GALNS: variants seen among roughly 807,000 people sequenced by gnomAD.
GALNS encodes N-acetylgalactosamine-6-sulfatase.
GALNS carries 65 observed loss-of-function variants against 65.9 expected under a neutral mutation model. The ratio of observed to expected loss-of-function variants is 0.99; its 90% confidence interval spans 0.81 to 1.21. GALNS has a LOEUF of 1.21. Ranked by LOEUF, GALNS falls within the 50% of genes most tolerant of loss-of-function variation. The probability of loss-of-function intolerance (pLI) is 0.00; values close to 1 mark genes in which losing one functional copy is unlikely to be tolerated. For missense variants in GALNS, 776 were observed against 700.7 expected, an observed-to-expected ratio of 1.11 and a Z score of -1.21; for synonymous variants, 346 against 288.9, an observed-to-expected ratio of 1.20 and a Z score of -2.00.
chr16:88,816,752 C>T (rs1274061680), intron 13 of GALNS: 5 of 985,364 alleles, frequency 5.1e-6, no homozygotes, highest in Non-Finnish European at 6.0e-6. Flanking sequence ...CACCCAGCGG[C>T]TCCCACGCTG....
intron 8 of GALNS, among the ~76,000 whole-genome samples, chr16:88,833,268 C>T (rs1345015799): frequency 1.3e-5 from 2 of 152,098 alleles, no homozygotes; most frequent in African/African-American, 4.8e-5. Flanking sequence ...CACGCCAACA[C>T]CCGCAACCCG....
At chr16:88,852,910 G>A (rs886258055) in intron 1 of GALNS, among the ~76,000 whole-genome samples, 7 of 151,782 alleles carry the variant, frequency 4.6e-5, no homozygotes, top group African/African-American at 9.7e-5. Flanking sequence ...AGCTGTGATC[G>A]AGCTACTGCA....
chr16:88,852,825 G>A (rs1389455492), intron 1 of GALNS, among the ~76,000 whole-genome samples: 1 of 152,174 alleles, frequency 6.6e-6, no homozygotes, highest in Non-Finnish European at 1.5e-5. Context: ...TGTGGTGATG[G>A]GCGGCTATAA....
intron 13 of GALNS, among the ~76,000 whole-genome samples, chr16:88,814,850 T>G (rs1032239500): frequency 6.6e-6 from 1 of 152,154 alleles, no homozygotes; most frequent in African/African-American, 2.4e-5. Flanking sequence ...CCACCTGCCT[T>G]GGCCTCCCAA....
rs1206029740 is a variant in GALNS, at chr16:88,856,245, AG to A, written c.120+512del. Reference sequence around the variant, plus strand: ...TCTCCAGAGGACAGAGACAGCCGTCAGGTAAGACTGGAGCCCAGCGGGGGGA... The same window carrying A: ...TCTCCAGAGGACAGAGACAGCCGTCAGTAAGACTGGAGCCCAGCGGGGGGA... On this transcript the variant is annotated intron_variant, in intron 1 of 13. Transcript: ENST00000268695. 184 of 703,048 alleles carry A rather than the reference AG, an allele frequency of 2.6e-4. 1 individual carries two copies. The East Asian group carries it at 4.8e-3, about 18-fold the overall frequency. The allele number at this position is 703,048 out of a possible 1,614,324, so 43.6% of individuals were successfully genotyped here.
chr16:88,847,661 G>T (rs1230870034), intron 1 of GALNS, among the ~76,000 whole-genome samples: 1 of 152,180 alleles, frequency 6.6e-6, no homozygotes, highest in African/African-American at 2.4e-5. Context: ...ACCACGACAG[G>T]GACTAGAGTC....
intron 10 of GALNS, among the ~76,000 whole-genome samples, chr16:88,825,945 C>A (rs1910848681): frequency 6.6e-6 from 1 of 152,190 alleles, no homozygotes; most frequent in Non-Finnish European, 1.5e-5. Context: ...CCCTTCAGGA[C>A]CACCCAGGAA....
At chr16:88,819,939 G>C (rs1910032593) in intron 12 of GALNS, among the ~76,000 whole-genome samples, 1 of 151,938 alleles carries the variant, frequency 6.6e-6, no homozygotes, top group Admixed American at 6.6e-5. Context: ...TGATCTGCCT[G>C]CCTCGGCCTC....
At chr16:88,825,566 GATTCC>G (rs1910796559) in intron 10 of GALNS, among the ~76,000 whole-genome samples, 3 of 83,692 alleles carry the variant, frequency 3.6e-5, no homozygotes, top group Admixed American at 2.6e-4. Flanking sequence ...CCGGGACTGG[GATTCC>G]TGGGCAGCTG....
At chr16:88,827,141 C>T (rs1252548446) in intron 9 of GALNS, 8 of 522,690 alleles carry the variant, frequency 1.5e-5, no homozygotes, top group African/African-American at 7.7e-5. Flanking sequence ...CCTCCAGGCC[C>T]ACCTGTCCGG....
At chr16:88,826,873 C>T (rs1296370761) in intron 9 of GALNS, 35 bp from the exon 10 acceptor site, 1 of 1,554,808 alleles carries the variant, frequency 6.4e-7, no homozygotes, top group Admixed American at 1.9e-5. Flanking sequence ...TCAGGGCACT[C>T]TGCACCGACC....
intron 5 of GALNS, 80 bp from the exon 6 acceptor site, chr16:88,836,347 C>T: frequency 8.7e-7 from 1 of 1,144,464 alleles, no homozygotes; most frequent in South Asian, 1.3e-5. Context: ...CCAGCAAAGC[C>T]ATGGGCTTCA....
chr16:88,824,248 G>A (rs984164188), intron 11 of GALNS, among the ~76,000 whole-genome samples: 2 of 152,170 alleles, frequency 1.3e-5, no homozygotes, highest in African/African-American at 4.8e-5. Flanking sequence ...GGGAGCAGGA[G>A]GCTTGAGGCG....
intron 1 of GALNS, among the ~76,000 whole-genome samples, chr16:88,846,003 A>C (rs1354564254): frequency 6.6e-6 from 1 of 152,190 alleles, no homozygotes; most frequent in Admixed American, 6.5e-5. Flanking sequence ...AAACAAACAA[A>C]AAAAGATCAT....
chr16:88,850,959 C>T (rs1001471441), intron 1 of GALNS, among the ~76,000 whole-genome samples: 13 of 152,300 alleles, frequency 8.5e-5, no homozygotes, highest in South Asian at 2.1e-4. Context: ...AGACGCCAGC[C>T]GAGGGCAAAA....
At chr16:88,834,505 G>A (rs372631928) in intron 8 of GALNS, among the ~76,000 whole-genome samples, 1 of 129,846 alleles carries the variant, frequency 7.7e-6, no homozygotes, top group African/African-American at 2.9e-5. Flanking sequence ...CCCCCTCAGC[G>A]TGGTCTGGGA....
chr16:88,834,860 C>T (rs550256095), intron 8 of GALNS, among the ~76,000 whole-genome samples: 2 of 152,244 alleles, frequency 1.3e-5, no homozygotes, highest in East Asian at 3.9e-4. Context: ...GGGGTGCCGG[C>T]CCCCACCTCA....
intron 1 of GALNS, among the ~76,000 whole-genome samples, chr16:88,854,473 C>A (rs2143010821): frequency 6.6e-6 from 1 of 152,294 alleles, no homozygotes; most frequent in South Asian, 2.1e-4. Context: ...AGGGAACCCC[C>A]TCTCTGCTGG....
chr16:88,831,830 G>A (rs1351673526), intron 9 of GALNS, among the ~76,000 whole-genome samples, 168 bp downstream of exon 9: 1 of 147,998 alleles, frequency 6.8e-6, no homozygotes, highest in Admixed American at 6.7e-5. Flanking sequence ...GGAGGGTGGT[G>A]AGGCTGAGCA....
Sources: gnomAD v4.1 joint callset for allele counts (sites outside exome capture counted in the v4.1 genomes callset) on GRCh38, gnomAD v4.1.1 for gene constraint, MANE v1.5 for transcripts, NCBI Gene and HGNC (gene_info 2026-07-23, HGNC 2026-07-21) for gene names.